NDUFA10: variants seen among roughly 807,000 people sequenced by gnomAD.
The protein encoded by NDUFA10 is NADH:ubiquinone oxidoreductase subunit A10.
Under a neutral mutation model 47.8 loss-of-function variants are expected in NDUFA10, and 40 were observed. The ratio of observed to expected loss-of-function variants is 0.84; its 90% CI spans 0.65 to 1.09. NDUFA10 has a LOEUF of 1.09. Among genes scored for constraint, NDUFA10 ranks in the 50% least tolerant of loss-of-function variants. The pLI is 0.00. For missense variants in NDUFA10, 413 were observed against 451.1 expected (o/e 0.92, Z 0.76); for synonymous variants, 183 against 172.2 (o/e 1.06, Z -0.49).
intron 4 of NDUFA10, among the ~76,000 whole-genome samples, chr2:239,907,849 A>G (rs949497411): frequency 5.9e-5 from 9 of 152,202 alleles, no homozygotes; most frequent in Non-Finnish European, 7.3e-5. Flanking sequence ...CAATTCCTCA[A>G]GGATCTAGAA....
chr2:239,911,480 A>G (rs374143070), intron 4 of NDUFA10, among the ~76,000 whole-genome samples: 5 of 152,164 alleles, frequency 3.3e-5, no homozygotes, highest in African/African-American at 1.2e-4. Flanking sequence ...CCTGAGAGGT[A>G]CATCCTCCAG....
At chr2:239,919,350 C>T (rs1357998068) in intron 4 of NDUFA10, among the ~76,000 whole-genome samples, 4 of 152,126 alleles carry the variant, frequency 2.6e-5, no homozygotes, top group Non-Finnish European at 5.9e-5. Flanking sequence ...TCCTCACTCT[C>T]TGCCCCTCCC....
intron 7 of NDUFA10, among the ~76,000 whole-genome samples, chr2:240,006,489 G>A (rs1696953151): frequency 6.6e-6 from 1 of 152,152 alleles, no homozygotes; most frequent in African/African-American, 2.4e-5. Context: ...AGCCAACTAT[G>A]CAAAGCTTCT....
intron 4 of NDUFA10, among the ~76,000 whole-genome samples, chr2:239,952,010 G>A (rs1463498828): frequency 1.3e-5 from 2 of 152,340 alleles, no homozygotes; most frequent in East Asian, 3.9e-4. Flanking sequence ...TGGGTCCTGG[G>A]GTGTGGGCCG....
At position 240,021,344 on chromosome 2, in the gene NDUFA10, C is replaced by T. The variant is rs529791334; in HGVS notation, c.313G>A (p.Ala105Thr). 18 of 1,614,140 alleles carry T rather than the reference C, an allele frequency of 1.1e-5. No individual in the cohort carries two copies. Among genetic ancestry groups the T allele is most frequent in the East Asian group, 6.7e-5 (3 of 44,876 alleles). ...CTACAGTTGCCATTATAGTCGGTGG[C>T]GAGGGGCTTCCCATCTCCTGTGGTA... ...DSTTGDGKPL[A>T]TDYNGNCSLE... The change falls in exon 3 of 10, where the codon GCC (alanine) becomes ACC (threonine). Residue 105 changes from alanine (A) to threonine (T), a missense_variant. By Grantham distance (58) the Ala-to-Thr change is moderately conservative. Transcript: ENST00000252711.
intron 6 of NDUFA10, among the ~76,000 whole-genome samples, chr2:240,009,109 C>A (rs1168437790): frequency 6.6e-6 from 1 of 152,140 alleles, no homozygotes; most frequent in Non-Finnish European, 1.5e-5. Context: ...ATTACTGAAC[C>A]CCCAAGTTAT....
At chr2:239,948,521 G>A (rs932267125) in intron 4 of NDUFA10, among the ~76,000 whole-genome samples, 3 of 152,242 alleles carry the variant, frequency 2.0e-5, no homozygotes, top group East Asian at 1.9e-4. Context: ...AAGTGGAGTC[G>A]CTGGAAAACC....
At position 239,928,503 on chromosome 2, in the gene NDUFA10, C is replaced by T. The variant is rs1402181512; in HGVS notation, c.295-33189G>A. Among the ~76,000 whole-genome samples, 3 of 152,202 alleles carry T rather than the reference C, an allele frequency of 2.0e-5. No homozygotes were observed. Among genetic ancestry groups the T allele is most frequent in the African/African-American group, 7.2e-5 (3 of 41,474 alleles). On this transcript the variant is annotated intron_variant, in intron 4 of 5. Transcript: ENST00000419408. This position sits in a 1 kb window ranked among gnomAD's most constrained non-coding sequence, Gnocchi z 4.3. ...TCCCCCGAATCCACGCCAGACTCCT[C>T]GGCCCTGGCCCACCGCGAGCCGCTG...
At chr2:239,936,524 C>T (rs959024161) in intron 4 of NDUFA10, among the ~76,000 whole-genome samples, 4 of 152,052 alleles carry the variant, frequency 2.6e-5, no homozygotes, top group South Asian at 4.1e-4. Flanking sequence ...GGGATGACGA[C>T]GGGTCAGTGC....
intron 4 of NDUFA10, among the ~76,000 whole-genome samples, chr2:239,929,275 C>T (rs376324872): frequency 2.6e-5 from 4 of 152,080 alleles, no homozygotes; most frequent in East Asian, 1.9e-4. Context: ...CCATGGGTTA[C>T]GGAGGACGGT....
intron 4 of NDUFA10, among the ~76,000 whole-genome samples, chr2:239,949,360 G>GT (rs1171957417): frequency 3.3e-5 from 5 of 152,142 alleles, no homozygotes; most frequent in African/African-American, 1.2e-4. Context: ...TTTTTGGGGT[G>GT]TATCTGTGGG....
intron 5 of NDUFA10, among the ~76,000 whole-genome samples, chr2:239,893,663 A>G (rs893105556): frequency 1.7e-4 from 26 of 152,250 alleles, no homozygotes; most frequent in Admixed American, 5.2e-4. Context: ...TAATCCATTC[A>G]TGAGGACCTG....
At chr2:239,962,196 ACAGT>A (rs976808206) in intron 9 of NDUFA10, among the ~76,000 whole-genome samples, 1 of 145,156 alleles carries the variant, frequency 6.9e-6, no homozygotes, top group African/African-American at 2.6e-5. Flanking sequence ...GCATGGGCAC[ACAGT>A]CAATTTGTGT....
At chr2:239,905,498 C>T (rs1048917116) in intron 4 of NDUFA10, among the ~76,000 whole-genome samples, 7 of 152,224 alleles carry the variant, frequency 4.6e-5, no homozygotes, top group Admixed American at 6.5e-5. Context: ...TGCGTCTACA[C>T]GCGTGTGAGG....
chr2:239,973,181 G>T (rs1695369993), intron 9 of NDUFA10, among the ~76,000 whole-genome samples: 1 of 152,152 alleles, frequency 6.6e-6, no homozygotes, highest in South Asian at 2.1e-4. Context: ...AACACTGAAG[G>T]CATTACGCAT....
chr2:239,955,734 G>A (rs1476603069), downstream of NDUFA10, among the ~76,000 whole-genome samples: 3 of 152,162 alleles, frequency 2.0e-5, no homozygotes, highest in African/African-American at 4.8e-5. Context: ...AAGGGGAGCC[G>A]AGTCATAGGC....
At chr2:239,935,917 T>C (rs1157959507) in intron 4 of NDUFA10, among the ~76,000 whole-genome samples, 1 of 152,240 alleles carries the variant, frequency 6.6e-6, no homozygotes, top group African/African-American at 2.4e-5. Context: ...TATGTCTTTA[T>C]TGGCAGCGTG....
chr2:239,961,093 G>A lies in NDUFA10; in HGVS notation c.*25C>T. On this transcript the variant is annotated 3_prime_UTR_variant, in exon 10 of 10. Transcript: ENST00000252711. Reference sequence around the variant, plus strand: ...GATGCAGCTTGGCCATCACTGTGATGCAGCTGGAGCAGAAGGCGGCCCGTT... The same window carrying A: ...GATGCAGCTTGGCCATCACTGTGATACAGCTGGAGCAGAAGGCGGCCCGTT... 6.2e-7 allele frequency: 1 copy of A among 1,613,994 alleles called. No homozygotes were observed.
In NDUFA10 at chr2:239,969,813, A is replaced by G. The variant is rs982710390; in HGVS notation, c.1000-8627T>C. On this transcript the variant is annotated intron_variant, in intron 9 of 9. Coordinates refer to ENST00000252711, the MANE Select transcript of NDUFA10 (RefSeq NM_004544.4). ...GCATATCATACACCCACAGAAGATA[A>G]GTGAGCTTGAAGGCAGAGCAGCAGA... 53 of 470,112 alleles carry G rather than the reference A, an allele frequency of 1.1e-4. 1 individual carries two copies. In the Admixed American group the frequency reaches 1.2e-3, roughly 10 times the overall value. The allele number at this position is 470,112 out of a possible 1,614,324, so 29.1% of individuals were successfully genotyped here.
Sources: gnomAD v4.1 joint callset for allele counts (sites outside exome capture counted in the v4.1 genomes callset) on GRCh38, gnomAD v4.1.1 for gene constraint, Gnocchi (gnomAD v3.1) non-coding constraint, MANE v1.5 for transcripts, NCBI Gene and HGNC (gene_info 2026-07-23, HGNC 2026-07-21) for gene names.